Variants in ADAM22 observed in about 807,000 individuals in gnomAD.
ADAM22 encodes disintegrin and metalloproteinase domain-containing protein 22.
A neutral mutation model predicts 144.6 loss-of-function variants in ADAM22; 65 were observed. The observed-to-expected ratio is 0.45, with a 90% CI of 0.37 to 0.55. The LOEUF is 0.55. ADAM22 is among the 20% of genes least tolerant of loss of function. The pLI, the probability that ADAM22 is intolerant of heterozygous loss-of-function variation, is 0.00. For synonymous variants in ADAM22, 391 were observed against 412.6 expected (o/e 0.95, Z 0.63); for missense variants, 974 against 1,184.9 (o/e 0.82, Z 2.61).
chr7:88,011,936 G>C (rs2129459927), intron 3 of ADAM22, among the ~76,000 whole-genome samples: 1 of 151,470 alleles, frequency 6.6e-6, no homozygotes, highest in African/African-American at 2.4e-5. Context: ...TTTCTTCTTT[G>C]TTTTCTCTTG....
At chr7:88,192,619 CTGAA>C (rs1267049304) in intron 30 of ADAM22, among the ~76,000 whole-genome samples, 1 of 152,124 alleles carries the variant, frequency 6.6e-6, no homozygotes, top group Non-Finnish European at 1.5e-5. Context: ...ACACTGGCCT[CTGAA>C]TGCATGAGTG....
At chr7:87,988,966 T>C (rs1789114533) in intron 3 of ADAM22, among the ~76,000 whole-genome samples, 1 of 152,192 alleles carries the variant, frequency 6.6e-6, no homozygotes, top group African/African-American at 2.4e-5. Context: ...CCCTAAAAAA[T>C]TGGTTTATTG....
At chr7:88,112,527 A>G (rs536978796) in intron 5 of ADAM22, among the ~76,000 whole-genome samples, 1 of 152,320 alleles carries the variant, frequency 6.6e-6, no homozygotes, top group Middle Eastern at 3.4e-3. Flanking sequence ...CTGAATGATA[A>G]GACAAGTTTC....
chr7:87,935,353 G>C lies in ADAM22; in HGVS notation c.246+167G>C, dbSNP rs546946230. 7.9e-5 allele frequency among the ~76,000 whole-genome samples: 12 copies of C among 152,260 alleles called. No homozygotes were observed. The East Asian group carries it at 1.4e-3, about 17-fold the overall frequency. ...CCTGTGCAAAAAAGAAGGGGAAAAG[G>C]GTACAAAAAAGAACCAAAATAACCA... is the stretch of plus-strand genomic sequence containing the variant. On this transcript the variant is annotated intron_variant, in intron 2 of 31. Transcript: ENST00000413139.
At chr7:88,165,576 T>C (rs1842759415) in intron 23 of ADAM22, among the ~76,000 whole-genome samples, 1 of 150,302 alleles carries the variant, frequency 6.7e-6, no homozygotes, top group South Asian at 2.2e-4. Flanking sequence ...CAATAATTTC[T>C]TTGATTTTTT....
intron 3 of ADAM22, among the ~76,000 whole-genome samples, chr7:88,034,084 A>G (rs534577771): frequency 3.3e-5 from 5 of 151,710 alleles, no homozygotes; most frequent in African/African-American, 1.2e-4. Context: ...AGCCCCCTTT[A>G]CTCTTCCCTC....
chr7:87,986,135 T>C (rs1788430314), intron 3 of ADAM22, among the ~76,000 whole-genome samples: 1 of 152,230 alleles, frequency 6.6e-6, no homozygotes, highest in Non-Finnish European at 1.5e-5. Flanking sequence ...GGGTTGGGAT[T>C]CTACTATTGG....
chr7:87,935,748 ACTTT>A (rs1841098651), intron 2 of ADAM22, among the ~76,000 whole-genome samples: 1 of 152,146 alleles, frequency 6.6e-6, no homozygotes, highest in Admixed American at 6.5e-5. Context: ...TCCTCCTCCG[ACTTT>A]CTTTATTGGT....
At chr7:88,169,692 A>G (rs1167456725) in intron 25 of ADAM22, among the ~76,000 whole-genome samples, 2 of 152,090 alleles carry the variant, frequency 1.3e-5, no homozygotes, top group Admixed American at 6.6e-5. Context: ...ATCAAATCAT[A>G]TATCTGATAG....
At chr7:88,053,984 T>G (rs1807425903) in intron 3 of ADAM22, among the ~76,000 whole-genome samples, 1 of 151,956 alleles carries the variant, frequency 6.6e-6, no homozygotes, top group Non-Finnish European at 1.5e-5. Context: ...TACAAAAAAT[T>G]AGCCAGGCAT....
chr7:88,143,020 T>C lies in ADAM22; in HGVS notation c.1221-6T>C. 1 of 1,571,548 alleles carries C rather than the reference T, an allele frequency of 6.4e-7. No individual in the cohort carries two copies. Among genetic ancestry groups the C allele is most frequent in the Non-Finnish European group, 8.7e-7 (1 of 1,144,762 alleles). Reference sequence around the variant, plus strand: ...ACCCAGCTATTGCTTTTCTTCTCTTTTATAGCTATTATCTTCCTAAAAAGT... The same window carrying C: ...ACCCAGCTATTGCTTTTCTTCTCTTCTATAGCTATTATCTTCCTAAAAAGT... On this transcript the variant is annotated splice_region_variant and splice_polypyrimidine_tract_variant and intron_variant, in intron 14 of 31. Coordinates refer to ENST00000413139, the MANE Select transcript of ADAM22 (RefSeq NM_001324418.2).
chr7:87,951,168 CT>C (rs1845025800), intron 2 of ADAM22, among the ~76,000 whole-genome samples: 1 of 150,158 alleles, frequency 6.7e-6, no homozygotes, highest in Non-Finnish European at 1.5e-5. Flanking sequence ...TCAATTTTGT[CT>C]TTTGTTGCCG....
At chr7:88,073,980 G>C (rs1813506892) in intron 3 of ADAM22, among the ~76,000 whole-genome samples, 1 of 152,138 alleles carries the variant, frequency 6.6e-6, no homozygotes, top group African/African-American at 2.4e-5. Context: ...GTTAATCAGG[G>C]TAATTTTGTA....
At chr7:87,982,702 T>TATATATAA in intron 3 of ADAM22, among the ~76,000 whole-genome samples, 1 of 32,284 alleles carries the variant, frequency 3.1e-5, no homozygotes, top group Non-Finnish European at 5.8e-5. Context: ...TATATATAAT[T>TATATATAA]TTTTTTTTTG....
intron 3 of ADAM22, among the ~76,000 whole-genome samples, chr7:87,990,606 T>G (rs948811559): frequency 2.0e-5 from 3 of 152,138 alleles, no homozygotes; most frequent in Non-Finnish European, 4.4e-5. Context: ...GATTTTTCAT[T>G]ATAGTTTTAT....
chr7:87,959,255 A>C (rs1247443967), intron 2 of ADAM22, among the ~76,000 whole-genome samples: 1 of 152,230 alleles, frequency 6.6e-6, no homozygotes, highest in Non-Finnish European at 1.5e-5. Context: ...TTTTACACCA[A>C]TACAATGTGA....
chr7:88,193,357 C>A lies in ADAM22; in HGVS notation c.2874+118C>A, dbSNP rs1279632578. The A allele has an allele frequency of 1.0e-5, 13 of 1,254,412 alleles. No homozygotes were observed. The Admixed American group carries it at 4.0e-4, about 39-fold the overall frequency. 77.7% of individuals were successfully genotyped at this position (1,254,412 alleles called of 1,614,324 possible). A position where few individuals can be genotyped will look rare whatever the true frequency, so the allele number is the denominator to read the frequency against. The stretch of plus-strand genomic sequence containing the variant: ...CTTGTTCCTAAGAAAATGAAAAAAT[C>A]AAACTTGAAAATAAGGAGATTCTTG... On this transcript the variant is annotated intron_variant, in intron 31 of 31. Transcript: ENST00000413139.
rs1313168900 is a variant in ADAM22 at position 87,994,757 on chromosome 7, CTAGT to C, written c.323+16348_323+16351del. On this transcript the variant is annotated intron_variant, in intron 3 of 31. Coordinates refer to ENST00000413139, the MANE Select transcript of ADAM22 (RefSeq NM_001324418.2). ...TAAAGTGTGTAATCACAGAAACTGC[CTAGT>C]TAATCACACAAGTAGGTCTTCTTCA... Among the ~76,000 whole-genome samples the C allele has an allele frequency of 3.9e-5, 6 of 152,144 alleles. No individual in the cohort carries two copies. In the East Asian group the frequency reaches 7.7e-4, roughly 20 times the overall value.
At chr7:88,050,841 T>C (rs913972022) in intron 3 of ADAM22, among the ~76,000 whole-genome samples, 2 of 152,392 alleles carry the variant, frequency 1.3e-5, no homozygotes, top group South Asian at 4.1e-4. Flanking sequence ...TTTCTTTTGC[T>C]GTGCAGAAGC....
Sources: allele counts gnomAD v4.1 joint callset (sites outside exome capture counted in the v4.1 genomes callset), GRCh38; gene constraint gnomAD v4.1.1; transcripts MANE v1.5; gene names NCBI Gene and HGNC (gene_info 2026-07-23, HGNC 2026-07-21).